DHTKD1: variants seen among roughly 807,000 people sequenced by gnomAD.
The protein encoded by DHTKD1 is dehydrogenase E1 and transketolase domain containing 1.
DHTKD1 carries 78 observed loss-of-function variants against 101.8 expected under a neutral mutation model. That is an observed-to-expected ratio of 0.77 (90% confidence interval 0.64 to 0.93). The LOEUF is 0.93. Among genes scored for constraint, DHTKD1 ranks in the 40% least tolerant of loss-of-function variants. The probability of loss-of-function intolerance (pLI) is 0.00; values close to 1 mark genes in which losing one functional copy is unlikely to be tolerated. For missense variants in DHTKD1, 1,223 were observed against 1,161.7 expected (o/e 1.05, Z -0.77); for synonymous variants, 462 against 450.3 (o/e 1.03, Z -0.33).
At chr10:12,091,753 A>G (rs1164172490) in intron 6 of DHTKD1, 69 bp downstream of exon 6, 7 of 1,361,598 alleles carry the variant, frequency 5.1e-6, no homozygotes, top group Non-Finnish European at 7.2e-6. Context: ...CCTCTGGTGC[A>G]CACAGAACAA....
intron 10 of DHTKD1, among the ~76,000 whole-genome samples, chr10:12,105,988 A>C (rs1833240770): frequency 6.6e-6 from 1 of 152,158 alleles, no homozygotes; most frequent in African/African-American, 2.4e-5. Flanking sequence ...CCAGCTACTC[A>C]GGAGGCTGAG....
At chr10:12,073,069 G>A (rs896686223) in intron 1 of DHTKD1, among the ~76,000 whole-genome samples, 3 of 151,526 alleles carry the variant, frequency 2.0e-5, no homozygotes, top group Non-Finnish European at 2.9e-5. Flanking sequence ...CAGTCACTCC[G>A]TGGCCCAGGC....
chr10:12,081,693 C>T (rs1832822298), intron 2 of DHTKD1, 66 bp downstream of exon 2: 26 of 1,581,096 alleles, frequency 1.6e-5, no homozygotes, highest in Non-Finnish European at 2.2e-5. Flanking sequence ...TGCCTCTGTT[C>T]TTGAAGAAGC....
chr10:12,095,584 C>T (rs552373358), intron 7 of DHTKD1, among the ~76,000 whole-genome samples: 379 of 151,834 alleles, frequency 2.5e-3, no homozygotes, highest in Non-Finnish European at 4.3e-3. Flanking sequence ...GAGGCCGAGG[C>T]GGGCGGATCA....
At position 12,081,730 on chromosome 10, in the gene DHTKD1, C is replaced by T. The variant is rs1381064169; in HGVS notation, c.310+103C>T. The stretch of plus-strand genomic sequence containing the variant: ...GCATCCCCACTGGAGCTGAGGCTCC[C>T]GCAGGTGTGAGGAGACCCGAGGGGC... On this transcript the variant is annotated intron_variant, in intron 2 of 16. Coordinates refer to ENST00000263035, the MANE Select transcript of DHTKD1 (RefSeq NM_018706.7). The T allele has an allele frequency of 1.5e-5, 20 of 1,357,920 alleles. No individual in the cohort carries two copies. In the East Asian group the frequency reaches 1.9e-4, roughly 13 times the overall value. The allele number at this position is 1,357,920 out of a possible 1,614,324, so 84.1% of individuals were successfully genotyped here.
chr10:12,082,442 C>T lies in DHTKD1; in HGVS notation c.310+815C>T, dbSNP rs559256175. 4.3e-3 allele frequency among the ~76,000 whole-genome samples: 653 copies of T among 152,194 alleles called. 7 individuals carry two copies. Among genetic ancestry groups the T allele is most frequent in the African/African-American group, 0.012 (489 of 41,530 alleles). ...ATGTTACTTTTTGAAGTTAATCTTG[C>T]AAATATCAAATTCTGATTGTGTGCA... On this transcript the variant is annotated intron_variant, in intron 2 of 16. Transcript: ENST00000263035.
chr10:12,069,931 C>T (rs1832629653), intron 1 of DHTKD1, among the ~76,000 whole-genome samples: 1 of 152,002 alleles, frequency 6.6e-6, no homozygotes, highest in Admixed American at 6.6e-5. Flanking sequence ...TCTGAGGCTT[C>T]TTTTATGTGA....
rs1007215309 is a variant in DHTKD1, at chr10:12,096,411, G to T, written c.1359-1273G>T. Among the ~76,000 whole-genome samples, 8 of 152,114 alleles carry T rather than the reference G, an allele frequency of 5.3e-5. No homozygotes were observed. In the East Asian group the frequency reaches 1.4e-3, roughly 26 times the overall value. ...TATTTTATTTATTTTTTTGAGACAC[G>T]GTCTTGCTCTGTCGCCCAGGCTGTA... On this transcript the variant is annotated intron_variant, in intron 7 of 16. Transcript: ENST00000263035.
chr10:12,113,670 A>G (rs866949612), intron 13 of DHTKD1, among the ~76,000 whole-genome samples: 1 of 152,160 alleles, frequency 6.6e-6, no homozygotes. Context: ...TCATGCCTAT[A>G]ATTCCAGGAC....
intron 4 of DHTKD1, among the ~76,000 whole-genome samples, chr10:12,088,751 T>G (rs950297429): frequency 6.6e-6 from 1 of 151,808 alleles, no homozygotes; most frequent in African/African-American, 2.4e-5. Flanking sequence ...ACCCAACTAA[T>G]TTTTTGTATT....
Position 12,087,676 on chromosome 10 carries a change from C to T in DHTKD1, c.664C>T (p.Pro222Ser), listed in dbSNP as rs1832924828. 1.2e-6 allele frequency: 2 copies of T among 1,612,336 alleles called. No individual in the cohort carries two copies. Among genetic ancestry groups the T allele is most frequent in the Non-Finnish European group, 8.5e-7 (1 of 1,179,468 alleles). ...SGITDVIIGM[P>S]HRGRLNLLTG... The stretch of plus-strand genomic sequence containing the variant: ...GATCACTGATGTCATTATTGGGATG[C>T]CCCATAGAGGGAGGCTGAATTTATT... Residue 222 changes from proline (P) to serine (S), a missense_variant, in exon 4 of 17, where the codon CCC becomes TCC. Physicochemically the swap from Pro to Ser is moderately conservative, Grantham distance 74 (BLOSUM62 -1). Coordinates refer to ENST00000263035, the MANE Select transcript of DHTKD1 (RefSeq NM_018706.7). This position sits in a 1 kb window ranked among gnomAD's most constrained non-coding sequence, Gnocchi z 5.2.
chr10:12,111,807 G>A (rs1049817812), intron 12 of DHTKD1, among the ~76,000 whole-genome samples: 5 of 152,148 alleles, frequency 3.3e-5, no homozygotes, highest in African/African-American at 1.2e-4. Flanking sequence ...AGGAGAATGA[G>A]TGAGTTAGGG....
intron 8 of DHTKD1, among the ~76,000 whole-genome samples, chr10:12,099,350 A>G (rs1242691277): frequency 6.6e-6 from 1 of 152,106 alleles, no homozygotes; most frequent in Non-Finnish European, 1.5e-5. Context: ...ACCTCCGCAG[A>G]GGTAACCACT....
At chr10:12,074,475 C>T (rs959611632) in intron 1 of DHTKD1, among the ~76,000 whole-genome samples, 3 of 152,086 alleles carry the variant, frequency 2.0e-5, no homozygotes, top group Non-Finnish European at 2.9e-5. Flanking sequence ...CCTGCTTCAG[C>T]CTCCCATGTA....
Position 12,097,758 on chromosome 10 carries a change from C to A in DHTKD1, c.1433C>A (p.Ser478Tyr). ...GGACTCATGACGCAGGAGGAGGTGT[C>A]TGAAATAAAATCCTCCTACTATGCC... ...AGGLMTQEEVSEIKSSYYAKL... is the reference protein window; with the variant it reads ...AGGLMTQEEVYEIKSSYYAKL... The change falls in exon 8 of 17, where the codon TCT becomes TAT. Residue 478 changes from serine to tyrosine, a missense_variant. Coordinates refer to ENST00000263035, the MANE Select transcript of DHTKD1 (RefSeq NM_018706.7). 1 of 1,614,114 alleles carries A rather than the reference C, an allele frequency of 6.2e-7. No homozygotes were observed.
chr10:12,106,116 CA>C lies in DHTKD1; in HGVS notation c.1897-125del, dbSNP rs1376612753. 3.0e-6 allele frequency: 3 copies of C among 984,934 alleles called. 1 individual carries two copies. The highest frequency in any genetic ancestry group is 3.1e-6 in the Non-Finnish European group (2 of 652,468). 61.0% of individuals were successfully genotyped at this position (984,934 alleles called of 1,614,324 possible). A position where few individuals can be genotyped will look rare whatever the true frequency, so the allele number is the denominator to read the frequency against. ...GTCTCAAAAAGCAGAAACAAACAAA[CA>C]AAAAGAATGTGGTGATGAACGAGAG... is the stretch of plus-strand genomic sequence containing the variant. On this transcript the variant is annotated intron_variant, in intron 10 of 16. Transcript: ENST00000263035.
rs372588654 is a variant in DHTKD1, at chr10:12,097,858, C to T, written c.1533C>T (p.Gly511=). 6 of 1,614,204 alleles carry T rather than the reference C, an allele frequency of 3.7e-6. No homozygotes were observed. In the African/African-American group the frequency reaches 6.7e-5, roughly 18 times the overall value. ...PALNLQAHWQ[G]LAQPEAQITT... ...TGAACCTGCAGGCCCACTGGCAGGG[C>T]CTGGCTCAGCCAGAAGCGCAAATCA... Residue 511 remains glycine, a synonymous_variant, in exon 8 of 17, where the codon GGC becomes GGT. Transcript: ENST00000263035.
In DHTKD1 at chr10:12,112,998, A is replaced by G. The variant is rs1588618073; in HGVS notation, c.2253A>G (p.Arg751=). 1 of 1,613,794 alleles carries G rather than the reference A, an allele frequency of 6.2e-7. No homozygotes were observed. Among genetic ancestry groups the G allele is most frequent in the Non-Finnish European group, 8.5e-7 (1 of 1,179,912 alleles). The change falls in exon 13 of 17, where the codon AGA becomes AGG. Residue 751 remains arginine, a synonymous_variant. Coordinates refer to ENST00000263035, the MANE Select transcript of DHTKD1 (RefSeq NM_018706.7). ...CACAGTATTTCCACTTGCTTAGGAGACAGATGGTCCGGAACTTCAGAAAAC... is the reference window on the plus strand; with the variant it reads ...CACAGTATTTCCACTTGCTTAGGAGGCAGATGGTCCGGAACTTCAGAAAAC... ...TPAQYFHLLR[R]QMVRNFRKPL...
chr10:12,112,846 G>A (rs1258930583), intron 12 of DHTKD1, 54 bp from the exon 13 acceptor site: 8 of 1,516,880 alleles, frequency 5.3e-6, no homozygotes, highest in Non-Finnish European at 7.1e-6. Flanking sequence ...TTGTCACTAC[G>A]ACTGAAATAG....
Sources: allele counts gnomAD v4.1 joint callset (sites outside exome capture counted in the v4.1 genomes callset), GRCh38; gene constraint gnomAD v4.1.1; non-coding constraint Gnocchi (gnomAD v3.1); transcripts MANE v1.5; gene names NCBI Gene and HGNC (gene_info 2026-07-23, HGNC 2026-07-21).